The following SHISAL1 variants were observed in gnomAD, a reference collection of about 807,000 sequenced individuals.
SHISAL1 encodes protein shisa-like-1.
Under a neutral mutation model 22.6 loss-of-function variants are expected in SHISAL1, and 9 were observed. The ratio of observed to expected loss-of-function variants is 0.40; its 90% CI spans 0.24 to 0.70. The LOEUF is 0.70. Among genes scored for constraint, SHISAL1 ranks in the 30% least tolerant of loss-of-function variants. The pLI, the probability that SHISAL1 is intolerant of heterozygous loss-of-function variation, is 0.39. For missense variants in SHISAL1, 246 were observed against 270.6 expected (o/e 0.91, Z 0.64); for synonymous variants, 119 against 115.4 (o/e 1.03, Z -0.20).
At chr22:44,269,394 C>T (rs1256011049) in intron 4 of SHISAL1, among the ~76,000 whole-genome samples, 1 of 150,502 alleles carries the variant, frequency 6.6e-6, no homozygotes, top group Non-Finnish European at 1.5e-5. Flanking sequence ...GACACACAGA[C>T]ACCCACACAA....
At chr22:44,283,683 T>G (rs2055291829) in intron 4 of SHISAL1, among the ~76,000 whole-genome samples, 1 of 152,140 alleles carries the variant, frequency 6.6e-6, no homozygotes, top group Non-Finnish European at 1.5e-5. Flanking sequence ...TCCAAATGTA[T>G]GTGCATGCAA....
At chr22:44,331,388 G>A in the SHISAL1 span, among the ~76,000 whole-genome samples, 2 of 128,436 alleles carry the variant, frequency 1.6e-5, no homozygotes, top group Admixed American at 7.6e-5. This position sits in a 1 kb window ranked among gnomAD's most constrained non-coding sequence, Gnocchi z 5.2. Flanking sequence ...ACCCTCCTCC[G>A]CCAGGAGCTC....
intron 4 of SHISAL1, among the ~76,000 whole-genome samples, chr22:44,253,596 ATTT>A (rs71759472): frequency 0.089 from 12,332 of 138,220 alleles, 818 homozygotes; most frequent in Admixed American, 0.19. Context: ...TGTCTGGCTA[ATTT>A]TTTTTTTTTT....
chr22:44,314,494 T>C (rs994979803), upstream of SHISAL1, among the ~76,000 whole-genome samples: 1 of 152,124 alleles, frequency 6.6e-6, no homozygotes, highest in African/African-American at 2.4e-5. Context: ...CCAATGACAT[T>C]TACTCCTTGC....
intron 1 of SHISAL1, among the ~76,000 whole-genome samples, chr22:44,302,348 A>C (rs1402317162): frequency 6.6e-6 from 1 of 152,098 alleles, no homozygotes; most frequent in East Asian, 1.9e-4. Context: ...TCAAAAAAAA[A>C]AAAAAAAAAA....
intron 4 of SHISAL1, among the ~76,000 whole-genome samples, chr22:44,285,213 T>C (rs73432503): frequency 0.014 from 2,077 of 152,340 alleles, 45 homozygotes; most frequent in African/African-American, 0.047. Context: ...GCTTTGCTTC[T>C]AAGCTCTGTT....
Position 44,244,803 on chromosome 22 carries a change from C to T in SHISAL1, c.*4882G>A, listed in dbSNP as rs3827389. The T allele has an allele frequency of 0.083, 12,564 of 152,236 alleles. 569 individuals are homozygous for T. Among genetic ancestry groups the T allele is most frequent in the East Asian group, 0.12 (624 of 5,170 alleles). The allele number at this position is 152,236 out of a possible 1,614,324, so 9.4% of individuals were successfully genotyped here. On this transcript the variant is annotated 3_prime_UTR_variant, in exon 5 of 5. Coordinates refer to ENST00000381176, the MANE Select transcript of SHISAL1 (RefSeq NM_001099294.2). ...AATAGGTGAGGGAAGCGCGTGTCAT[C>T]GAATGAGTTTTCTAGGAGGCTCCTC...
At chr22:44,315,549 T>G (rs1052918060), upstream of SHISAL1, among the ~76,000 whole-genome samples, 16 of 152,134 alleles carry the variant, frequency 1.1e-4, no homozygotes, top group East Asian at 7.7e-4. Context: ...AGTTATAAAC[T>G]CTCTGTGCCT....
intron 3 of SHISAL1, among the ~76,000 whole-genome samples, chr22:44,292,022 C>A (rs2055356078): frequency 6.6e-6 from 1 of 152,186 alleles, no homozygotes; most frequent in Non-Finnish European, 1.5e-5. Context: ...GTGGGCTTGG[C>A]GAGGCTGCTT....
intron 1 of SHISAL1, among the ~76,000 whole-genome samples, chr22:44,305,373 C>A (rs1429594124): frequency 6.6e-6 from 1 of 152,216 alleles, no homozygotes; most frequent in Non-Finnish European, 1.5e-5. Flanking sequence ...AGGACCTCTT[C>A]TACTAGGCCA....
chr22:44,264,375 C>A (rs1288029484), intron 4 of SHISAL1, among the ~76,000 whole-genome samples: 1 of 152,176 alleles, frequency 6.6e-6, no homozygotes, highest in Non-Finnish European at 1.5e-5. Flanking sequence ...AGCCTCTCTC[C>A]AAGCCCAGTG....
chr22:44,243,813 T>C lies in SHISAL1; in HGVS notation c.*5872A>G, dbSNP rs529917094. 5.3e-5 allele frequency: 8 copies of C among 152,326 alleles called. No homozygotes were observed. The highest frequency in any genetic ancestry group is 2.1e-4 in the South Asian group (1 of 4,824). 9.4% of individuals were successfully genotyped at this position (152,326 alleles called of 1,614,324 possible). A position where few individuals can be genotyped will look rare whatever the true frequency, so the allele number is the denominator to read the frequency against. ...TCTAGTATTATTATTAGGAATATTA[T>C]TGGTTTTGGTTTTCCCGGTTATCAG... On this transcript the variant is annotated 3_prime_UTR_variant, in exon 5 of 5. Transcript: ENST00000381176.
At chr22:44,268,935 C>G (rs1167155554) in intron 4 of SHISAL1, among the ~76,000 whole-genome samples, 1 of 152,086 alleles carries the variant, frequency 6.6e-6, no homozygotes, top group African/African-American at 2.4e-5. Context: ...ATCATCGGCT[C>G]TTGGTTCCAT....
At chr22:44,273,250 G>A (rs1193544855) in intron 4 of SHISAL1, among the ~76,000 whole-genome samples, 1 of 152,152 alleles carries the variant, frequency 6.6e-6, no homozygotes, top group Non-Finnish European at 1.5e-5. Flanking sequence ...GTTCCCCAGG[G>A]GAAGAAAACC....
intron 4 of SHISAL1, among the ~76,000 whole-genome samples, chr22:44,255,619 T>A (rs935078269): frequency 1.3e-5 from 2 of 152,232 alleles, no homozygotes; most frequent in Non-Finnish European, 1.5e-5. Flanking sequence ...CAGTGGTGTC[T>A]GCGCTGGTCA....
At chr22:44,301,014 T>A in intron 1 of SHISAL1, 37 bp from the exon 2 acceptor site, 3 of 1,431,066 alleles carry the variant, frequency 2.1e-6, no homozygotes, top group Non-Finnish European at 2.9e-6. Flanking sequence ...GGGTGTGGGC[T>A]GTCTCGCCTG....
chr22:44,271,198 C>T (rs2055203631), intron 4 of SHISAL1, among the ~76,000 whole-genome samples: 1 of 152,152 alleles, frequency 6.6e-6, no homozygotes, highest in African/African-American at 2.4e-5. Flanking sequence ...GCAACTTGCC[C>T]AAGGACACAC....
At chr22:44,269,779 C>G (rs135418) in intron 4 of SHISAL1, among the ~76,000 whole-genome samples, 98,421 of 151,810 alleles carry the variant, frequency 0.65, 32,018 homozygotes, top group African/African-American at 0.68. Context: ...CTGCTCACTT[C>G]TTACCTGTCC....
chr22:44,323,681 A>ATCCT, the SHISAL1 span, among the ~76,000 whole-genome samples: 7,958 of 150,482 alleles, frequency 0.053, 332 homozygotes, highest in African/African-American at 0.07. Flanking sequence ...CCATCCATCC[A>ATCCT]TCCATCCATC....
Sources: gnomAD v4.1 joint callset for allele counts (sites outside exome capture counted in the v4.1 genomes callset) on GRCh38, gnomAD v4.1.1 for gene constraint, Gnocchi (gnomAD v3.1) non-coding constraint, MANE v1.5 for transcripts, NCBI Gene and HGNC (gene_info 2026-07-23, HGNC 2026-07-21) for gene names.